Variants in IRGM observed in about 807,000 individuals in gnomAD.
IRGM encodes the protein immunity related GTPase M, also known as immunity-related GTPase family M protein.
For missense variants in IRGM, 288 were observed against 219.9 expected, an observed-to-expected ratio of 1.31 and a Z score of -1.96; for synonymous variants, 98 against 80.6, an observed-to-expected ratio of 1.22 and a Z score of -1.16.
At chr5:150,889,914 A>G (rs975696559) in intron 3 of IRGM, among the ~76,000 whole-genome samples, 8 of 152,028 alleles carry the variant, frequency 5.3e-5, no homozygotes, top group African/African-American at 1.9e-4. Flanking sequence ...CTTTTTATAT[A>G]ATGTGATATT....
Position 150,848,110 on chromosome 5 carries a change from G to A in IRGM, c.-14G>A, listed in dbSNP as rs1430000105. On this transcript the variant is annotated 5_prime_UTR_variant, in exon 2 of 2. Coordinates refer to ENST00000522154, the MANE Select transcript of IRGM (RefSeq NM_001145805.2). Reference sequence around the variant, plus strand: ...GCCACGGCGCCTGGCCAGCATTGGGGTATTTTATTGAAGATGGAAGCCATG... The same window carrying A: ...GCCACGGCGCCTGGCCAGCATTGGGATATTTTATTGAAGATGGAAGCCATG... 3 of 1,532,526 alleles carry A rather than the reference G, an allele frequency of 2.0e-6. No individual in the cohort carries two copies. The highest frequency in any genetic ancestry group is 2.0e-5 in the Admixed American group (1 of 49,334). The allele number at this position is 1,532,526 out of a possible 1,614,324, so 94.9% of individuals were successfully genotyped here.
At chr5:150,864,933 A>T (rs1417117338) in intron 1 of IRGM, among the ~76,000 whole-genome samples, 2 of 152,220 alleles carry the variant, frequency 1.3e-5, no homozygotes, top group African/African-American at 2.4e-5. Flanking sequence ...CTGATGCTTC[A>T]TGAAAACCCC....
At chr5:150,884,163 G>C (rs1191622531) in intron 3 of IRGM, among the ~76,000 whole-genome samples, 3 of 151,890 alleles carry the variant, frequency 2.0e-5, no homozygotes, top group Admixed American at 2.0e-4. Context: ...CATATCAATA[G>C]ATTCAGAAAA....
At chr5:150,855,499 T>C (rs575340789) in intron 1 of IRGM, among the ~76,000 whole-genome samples, 2 of 152,306 alleles carry the variant, frequency 1.3e-5, no homozygotes, top group South Asian at 4.1e-4. Flanking sequence ...CTGACTTAGA[T>C]ATTTAGTAGG....
At chr5:150,851,445 A>G (rs1753973794), downstream of IRGM, among the ~76,000 whole-genome samples, 1 of 152,202 alleles carries the variant, frequency 6.6e-6, no homozygotes, top group Admixed American at 6.5e-5. Flanking sequence ...GATTCTTTTG[A>G]TCATCCATGG....
intron 3 of IRGM, among the ~76,000 whole-genome samples, chr5:150,881,145 C>A (rs1028552907): frequency 6.7e-6 from 1 of 150,174 alleles, no homozygotes; most frequent in East Asian, 2.0e-4. Context: ...AAAAAAATAG[C>A]TTCGATTTTT....
chr5:150,896,080 C>A (rs542704110), intron 3 of IRGM: 4 of 1,613,526 alleles, frequency 2.5e-6, no homozygotes, highest in Admixed American at 3.3e-5. Context: ...AAGGCCTTCC[C>A]ACACTCTCTA....
Position 150,887,012 on chromosome 5 carries a change from ATCTT to A in IRGM, c.*140+7370_*140+7373del, listed in dbSNP as rs1391167433. 2.0e-5 allele frequency among the ~76,000 whole-genome samples: 3 copies of A among 151,888 alleles called. No homozygotes were observed. The East Asian group carries it at 5.8e-4, about 29-fold the overall frequency. On this transcript the variant is annotated intron_variant and NMD_transcript_variant, in intron 3 of 3. Coordinates refer to the IRGM transcript ENST00000520549. ...TGTGATGTTAGGTTGTTAATTTGAG[ATCTT>A]TCTAATGTTTTGATGTGGGCATTTA...
chr5:150,898,493 T>C (rs1561757257), intron 3 of IRGM: 1 of 1,613,146 alleles, frequency 6.2e-7, no homozygotes, highest in Admixed American at 1.7e-5. Flanking sequence ...CTGAGAAGGG[T>C]CAAGTTGCTG....
At chr5:150,870,491 T>C (rs1754267592) in intron 1 of IRGM, among the ~76,000 whole-genome samples, 1 of 151,328 alleles carries the variant, frequency 6.6e-6, no homozygotes, top group African/African-American at 2.4e-5. Context: ...ATCTAAATTT[T>C]ATTTTGCTAT....
At chr5:150,858,538 T>C (rs994501790) in intron 1 of IRGM, among the ~76,000 whole-genome samples, 9 of 152,216 alleles carry the variant, frequency 5.9e-5, no homozygotes, top group African/African-American at 2.2e-4. Context: ...TTTCACGATA[T>C]TGATTCTTCC....
At chr5:150,898,011 A>G in intron 3 of IRGM, 1 of 1,577,010 alleles carries the variant, frequency 6.3e-7, no homozygotes, top group Non-Finnish European at 8.6e-7. Context: ...ATAGAAACAT[A>G]AACCTCAGGC....
At chr5:150,868,550 G>T (rs1754238317) in intron 1 of IRGM, among the ~76,000 whole-genome samples, 1 of 152,094 alleles carries the variant, frequency 6.6e-6, no homozygotes, top group African/African-American at 2.4e-5. Flanking sequence ...TTAATTTGCA[G>T]ATTGCTTTTG....
intron 1 of IRGM, 116 bp from the exon 2 acceptor site, chr5:150,847,589 CAAAG>C (rs1753889073): frequency 6.5e-6 from 1 of 154,452 alleles, no homozygotes; most frequent in Non-Finnish European, 1.4e-5. Flanking sequence ...TAAAAACAAT[CAAAG>C]AACACTCAGT....
downstream of IRGM, among the ~76,000 whole-genome samples, chr5:150,851,918 G>C (rs1002213485): frequency 6.6e-6 from 1 of 152,168 alleles, no homozygotes; most frequent in Non-Finnish European, 1.5e-5. Context: ...AATGTAAAAA[G>C]CTCTAAACTT....
intron 3 of IRGM, among the ~76,000 whole-genome samples, chr5:150,898,901 T>C (rs890490719): frequency 5.3e-5 from 8 of 152,022 alleles, no homozygotes; most frequent in African/African-American, 1.9e-4. Context: ...TGAATATTTA[T>C]ATGTTGAAGT....
At chr5:150,868,690 C>T (rs918427834) in intron 1 of IRGM, among the ~76,000 whole-genome samples, 1 of 152,004 alleles carries the variant, frequency 6.6e-6, no homozygotes, top group Non-Finnish European at 1.5e-5. Context: ...TATTTCACCT[C>T]CTTGGTTAGG....
chr5:150,863,460 A>G (rs959755675), intron 1 of IRGM, among the ~76,000 whole-genome samples: 1 of 152,238 alleles, frequency 6.6e-6, no homozygotes, highest in African/African-American at 2.4e-5. Flanking sequence ...GTCCATAACA[A>G]TATGGGATAA....
chr5:150,851,743 G>A (rs1313515935), downstream of IRGM, among the ~76,000 whole-genome samples: 1 of 152,156 alleles, frequency 6.6e-6, no homozygotes, highest in Non-Finnish European at 1.5e-5. Context: ...AACCACTGAT[G>A]GTATTTACAA....
Sources: allele counts gnomAD v4.1 joint callset (sites outside exome capture counted in the v4.1 genomes callset), GRCh38; gene constraint gnomAD v4.1.1; transcripts MANE v1.5; gene names NCBI Gene and HGNC (gene_info 2026-07-23, HGNC 2026-07-21).